The following CBARP variants were observed in gnomAD, a reference collection of about 807,000 sequenced individuals.
CBARP encodes voltage-dependent calcium channel beta subunit-associated regulatory protein.
Under a neutral mutation model 36.3 loss-of-function variants are expected in CBARP, and 24 were observed. The ratio of observed to expected loss-of-function variants is 0.66; its 90% CI spans 0.48 to 0.93. The LOEUF (loss-of-function observed/expected upper bound fraction) is 0.93. Among genes scored for constraint, CBARP ranks in the 40% least tolerant of loss-of-function variants. The pLI, the probability that CBARP is intolerant of heterozygous loss-of-function variation, is 0.00. For missense variants in CBARP, 1,146 were observed against 980.4 expected (o/e 1.17, Z -2.26); for synonymous variants, 586 against 453.2 (o/e 1.29, Z -3.72).
At chr19:1,231,989 T>C (rs2080900444) in intron 8 of CBARP, among the ~76,000 whole-genome samples, 1 of 151,986 alleles carries the variant, frequency 6.6e-6, no homozygotes, top group Non-Finnish European at 1.5e-5. Context: ...ACGGAAGGCA[T>C]GAGAGAGTCA....
intron 8 of CBARP, 99 bp from the exon 9 acceptor site, chr19:1,231,374 G>A (rs1159692500): frequency 2.2e-6 from 3 of 1,389,202 alleles, no homozygotes; most frequent in Admixed American, 5.4e-5. Context: ...CACACACAAT[G>A]CCTGTGCCCC....
Position 1,231,332 on chromosome 19 carries a change from C to A in CBARP, c.980-57G>T. 3 of 1,558,078 alleles carry A rather than the reference C, an allele frequency of 1.9e-6. No homozygotes were observed. The South Asian group carries it at 3.5e-5, about 18-fold the overall frequency. On this transcript the variant is annotated intron_variant, in intron 8 of 9. Coordinates refer to ENST00000650044, the MANE Select transcript of CBARP (RefSeq NM_001393918.1). Reference sequence around the variant, plus strand: ...GGCATGTGCCTCCACCCGCTCCACACACACACAGAATGCCTATGCCCCCCC... The same window carrying A: ...GGCATGTGCCTCCACCCGCTCCACAAACACACAGAATGCCTATGCCCCCCC...
In CBARP at chr19:1,233,483, T is replaced by C; in HGVS notation, c.922A>G (p.Lys308Glu). The C allele has an allele frequency of 6.2e-7, 1 of 1,605,392 alleles. No homozygotes were observed. The highest frequency in any genetic ancestry group is 8.5e-7 in the Non-Finnish European group (1 of 1,176,680). Residue 308 changes from lysine to glutamate, a missense_variant, in exon 8 of 10, where the codon AAG becomes GAG. By Grantham distance (56) the Lys-to-Glu change is moderately conservative (BLOSUM62 1). Coordinates refer to ENST00000650044, the MANE Select transcript of CBARP (RefSeq NM_001393918.1). ...GGCTCCAGCTTCCACTTCTTGACCT[T>C]GAAATAGGGGCTGGCCCCATCCAGG... is the stretch of plus-strand genomic sequence containing the variant. Reference protein sequence around the residue: ...ASLDGASPYFKVKKWKLEPSQ... With the variant: ...ASLDGASPYFEVKKWKLEPSQ...
chr19:1,230,971 C>A (rs2080882271), intron 9 of CBARP, 130 bp downstream of exon 9: 2 of 1,563,874 alleles, frequency 1.3e-6, no homozygotes, highest in African/African-American at 1.4e-5. Context: ...TGGGAGGGGC[C>A]TTGCCGCTGG....
rs751040900 is a variant in CBARP, at chr19:1,230,897, C to A, written c.1154+204G>T. On this transcript the variant is annotated intron_variant, in intron 9 of 9. Coordinates refer to ENST00000650044, the MANE Select transcript of CBARP (RefSeq NM_001393918.1). ...TCCCCACCCACCGCCCTACCCTTAC[C>A]CAGTCTCTCCCTGCTTCCCTCCTCT... is the stretch of plus-strand genomic sequence containing the variant. The A allele has an allele frequency of 9.0e-6, 14 of 1,561,462 alleles. No homozygotes were observed. In the South Asian group the frequency reaches 1.5e-4, roughly 17 times the overall value.
Position 1,230,063 on chromosome 19 carries a change from G to A in CBARP, c.1234C>T (p.Gln412Ter). The A allele has an allele frequency of 8.3e-7, 1 of 1,201,302 alleles. No homozygotes were observed. The highest frequency in any genetic ancestry group is 1.1e-6 in the Non-Finnish European group (1 of 949,830). 74.4% of individuals were successfully genotyped at this position (1,201,302 alleles called of 1,614,324 possible). Residue 412 changes from glutamine (Q) to a stop codon, truncating the protein, a stop_gained, in exon 10 of 10, where the codon CAG becomes TAG. Coordinates refer to ENST00000650044, the MANE Select transcript of CBARP (RefSeq NM_001393918.1). LOFTEE classifies it low-confidence loss of function (END_TRUNC). The stretch of plus-strand genomic sequence containing the variant: ...TCCGGCTCCAGTGGCGGCTGCTGCT[G>A]CTCAGGCCCCGCGCTGCCCGCGCCG... The part of the protein sequence containing the change: ...ERGAGSAGPE[Q>*]QQPPLEPDAE...
chr19:1,235,714 C>A, intron 3 of CBARP, 65 bp downstream of exon 3: 1 of 1,603,486 alleles, frequency 6.2e-7, no homozygotes, highest in Non-Finnish European at 8.5e-7. Context: ...TGAGGTAGAC[C>A]CCCCACCACC....
intron 8 of CBARP, among the ~76,000 whole-genome samples, chr19:1,233,056 G>A (rs576731604): frequency 2.0e-5 from 3 of 152,234 alleles, no homozygotes; most frequent in Non-Finnish European, 4.4e-5. Flanking sequence ...GCCGAGCATG[G>A]CTGGGAGGGG....
intron 8 of CBARP, among the ~76,000 whole-genome samples, chr19:1,232,622 A>G (rs1294771053): frequency 6.6e-6 from 1 of 152,208 alleles, no homozygotes; most frequent in Non-Finnish European, 1.5e-5. Context: ...CCCTGTCTCC[A>G]GGATCCTGCC....
chr19:1,237,592 G>A (rs1444422744), intron 1 of CBARP, among the ~76,000 whole-genome samples, 164 bp downstream of exon 1: 1 of 151,870 alleles, frequency 6.6e-6, no homozygotes, highest in African/African-American at 2.4e-5. Context: ...CTGAGCGGGG[G>A]TCCCTCTGGA....
At chr19:1,230,487 G>A in intron 9 of CBARP, 1 of 1,005,418 alleles carries the variant, frequency 9.9e-7, no homozygotes, top group South Asian at 4.6e-5. Context: ...GGGATGGACT[G>A]GACGCGGTTG....
rs772131986 is a variant in CBARP at position 1,235,774 on chromosome 19, C to T, written c.245+5G>A. 5.6e-6 allele frequency: 9 copies of T among 1,606,790 alleles called. No individual in the cohort carries two copies. Among genetic ancestry groups the T allele is most frequent in the Admixed American group, 3.3e-5 (2 of 59,970 alleles). On this transcript the variant is annotated splice_donor_5th_base_variant and intron_variant, in intron 3 of 9. Transcript: ENST00000650044. ...ACCTGCCCAGCCGAGGTGGGGGCCTCGCACCTGTTGAGGCGCTGGTGGACG... is the reference window on the plus strand; with the variant it reads ...ACCTGCCCAGCCGAGGTGGGGGCCTTGCACCTGTTGAGGCGCTGGTGGACG...
chr19:1,230,313 C>T (rs1366558330), intron 9 of CBARP, 171 bp from the exon 10 acceptor site: 2 of 989,042 alleles, frequency 2.0e-6, no homozygotes, highest in Non-Finnish European at 2.4e-6. Flanking sequence ...GGGGATGCGT[C>T]TTGCATTGAC....
rs1198565633 is a variant in CBARP at position 1,231,117 on chromosome 19, G to A, written c.1138C>T (p.Pro380Ser). 2 of 1,598,206 alleles carry A rather than the reference G, an allele frequency of 1.3e-6. No individual in the cohort carries two copies. Among genetic ancestry groups the A allele is most frequent in the East Asian group, 2.3e-5 (1 of 44,202 alleles). ...GAAAAATACCTGCCGAGAGCAGGGG[G>A]CGGGCTGGCCAGAAAGGGGCGGGGG... ...PHPRPFLASP[P>S]PALGRLEAAE... Residue 380 changes from proline to serine, a missense_variant, in exon 9 of 10, where the codon CCC (proline) becomes TCC (serine). Pro to Ser is a moderately conservative substitution (Grantham distance 74). Coordinates refer to ENST00000650044, the MANE Select transcript of CBARP (RefSeq NM_001393918.1).
In CBARP at chr19:1,231,269, G is replaced by T; in HGVS notation, c.986C>A (p.Pro329His). 2.5e-6 allele frequency: 4 copies of T among 1,600,424 alleles called. No individual in the cohort carries two copies. Among genetic ancestry groups the T allele is most frequent in the Non-Finnish European group, 3.4e-6 (4 of 1,179,448 alleles). The change falls in exon 9 of 10, where the codon CCC (proline) becomes CAC (histidine). Residue 329 changes from proline (P) to histidine (H), a missense_variant. Pro to His is a moderately conservative substitution (Grantham distance 77, BLOSUM62 -2). Transcript: ENST00000650044. ...CTGCCGCTGGAAGTGGTGCCGCTTGGGGGAACCTGCGCACGGGATGTGCCG... is the reference window on the plus strand; with the variant it reads ...CTGCCGCTGGAAGTGGTGCCGCTTGTGGGAACCTGCGCACGGGATGTGCCG... ...RAASLDTRGS[P>H]KRHHFQRQRA...
chr19:1,233,748 A>C, intron 7 of CBARP, 112 bp from the exon 8 acceptor site: 1 of 1,054,428 alleles, frequency 9.5e-7, no homozygotes, highest in Non-Finnish European at 1.4e-6. Context: ...CATCACTGGG[A>C]CAGAGAGGGG....
In CBARP at chr19:1,235,808, G is replaced by A; in HGVS notation, c.216C>T (p.Arg72=). ...TGAGGCGCTGGTGGACGTCCCAGCA[G>A]CGCTTGCAGAGGAGCAGGACGCCAG... ...VLSGVLLLCK[R]CWDVHQRLNR... The change falls in exon 3 of 10, where the codon CGC becomes CGT. Residue 72 remains arginine (R), a synonymous_variant. Coordinates refer to ENST00000650044, the MANE Select transcript of CBARP (RefSeq NM_001393918.1). 6.2e-7 allele frequency: 1 copy of A among 1,609,482 alleles called. No individual in the cohort carries two copies. The highest frequency in any genetic ancestry group is 8.5e-7 in the Non-Finnish European group (1 of 1,179,920).
chr19:1,234,674 GGCGGCA>G lies in CBARP; in HGVS notation c.518_523del (p.Leu173_Pro174del), dbSNP rs779114524. 1 of 1,612,810 alleles carries G rather than the reference GGCGGCA, an allele frequency of 6.2e-7. No individual in the cohort carries two copies. Among genetic ancestry groups the G allele is most frequent in the Non-Finnish European group, 8.5e-7 (1 of 1,179,688 alleles). ...CTCGTGGATGGTGACAATCTTGAGG[GGCGGCA>G]GGTGCAGGTGCGTGAGCCGGGCATT... On this transcript the variant is annotated inframe_deletion, in exon 6 of 10. Coordinates refer to ENST00000650044, the MANE Select transcript of CBARP (RefSeq NM_001393918.1).
intron 2 of CBARP, 24 bp from the exon 3 acceptor site, chr19:1,235,942 G>C (rs1260152463): frequency 6.2e-7 from 1 of 1,600,434 alleles, no homozygotes; most frequent in South Asian, 1.1e-5. Context: ...GGGGGGGTCA[G>C]GTGCTGCTGG....
Sources: allele counts gnomAD v4.1 joint callset (sites outside exome capture counted in the v4.1 genomes callset), GRCh38; gene constraint gnomAD v4.1.1; transcripts MANE v1.5; gene names NCBI Gene and HGNC (gene_info 2026-07-23, HGNC 2026-07-21).